Variants in WWP1 observed in about 807,000 individuals in gnomAD.
The protein encoded by WWP1 is NEDD4-like E3 ubiquitin-protein ligase WWP1.
A neutral mutation model predicts 130.6 loss-of-function variants in WWP1; 49 were observed. The ratio of observed to expected loss-of-function variants is 0.38; its 90% CI spans 0.30 to 0.48. The LOEUF (loss-of-function observed/expected upper bound fraction) is 0.48. Ranked by LOEUF, WWP1 falls within the 20% of genes least tolerant of loss-of-function variation. WWP1 has a pLI of 0.99. For missense variants in WWP1, 809 were observed against 1,100.6 expected (o/e 0.74, Z 3.75); for synonymous variants, 332 against 367.8 (o/e 0.90, Z 1.11).
chr8:86,430,005 C>T (rs544170748), intron 11 of WWP1, among the ~76,000 whole-genome samples: 2 of 152,114 alleles, frequency 1.3e-5, no homozygotes, highest in East Asian at 3.9e-4. Flanking sequence ...TCGAGACCAG[C>T]CTCAGAAACA....
chr8:86,409,166 G>A (rs980626311), intron 8 of WWP1, among the ~76,000 whole-genome samples: 1 of 148,340 alleles, frequency 6.7e-6, no homozygotes, highest in African/African-American at 2.5e-5. Flanking sequence ...GAATTGGCTT[G>A]GTAATTGTGA....
Position 86,348,465 on chromosome 8 carries a change from G to A in WWP1, c.-115+5535G>A, listed in dbSNP as rs529162975. Among the ~76,000 whole-genome samples, 306 of 152,198 alleles carry A rather than the reference G, an allele frequency of 2.0e-3. 3 individuals are homozygous for A. The South Asian group carries it at 0.02, about 10-fold the overall frequency. On this transcript the variant is annotated intron_variant, in intron 1 of 24. Transcript: ENST00000517970. ...ACTCCAGACCACAGGTGATCTGCCC[G>A]CCTCAGCCTCCCAAAGTATTGGGAT...
chr8:86,351,646 A>T (rs1294185726), intron 1 of WWP1, among the ~76,000 whole-genome samples: 2 of 152,108 alleles, frequency 1.3e-5, no homozygotes, highest in Non-Finnish European at 2.9e-5. Flanking sequence ...ACAAAAAAAA[A>T]GTTGCTAAAA....
chr8:86,422,978 G>A (rs866757240), intron 9 of WWP1, among the ~76,000 whole-genome samples: 2 of 151,260 alleles, frequency 1.3e-5, no homozygotes, highest in African/African-American at 2.4e-5. Flanking sequence ...TTTTAGATGG[G>A]TACTTTTGAA....
intron 5 of WWP1, among the ~76,000 whole-genome samples, chr8:86,389,750 C>G (rs985796400): frequency 1.9e-4 from 28 of 145,356 alleles, no homozygotes; most frequent in Admixed American, 1.6e-3. Context: ...GGCGCCCCCC[C>G]ACCCACCTCC....
chr8:86,434,136 A>G (rs1202101797), intron 14 of WWP1, among the ~76,000 whole-genome samples: 1 of 152,148 alleles, frequency 6.6e-6, no homozygotes, highest in Non-Finnish European at 1.5e-5. Flanking sequence ...CACCTTGTAC[A>G]ATGTTGTTAC....
chr8:86,358,253 T>C (rs1823369004), intron 1 of WWP1, among the ~76,000 whole-genome samples: 1 of 152,172 alleles, frequency 6.6e-6, no homozygotes, highest in Admixed American at 6.5e-5. Flanking sequence ...ACTTGAATCT[T>C]AGATTAGGGC....
rs1401015473 is a variant in WWP1, at chr8:86,457,845, A to G, written c.2395-76A>G. The G allele has an allele frequency of 3.6e-6, 5 of 1,389,158 alleles. No individual in the cohort carries two copies. In the African/African-American group the frequency reaches 5.7e-5, roughly 16 times the overall value. 86.1% of individuals were successfully genotyped at this position (1,389,158 alleles called of 1,614,324 possible). ...CATAATTTGCCATGTGCATAACTGC[A>G]TTAGGAAATTTCAGTCATATAATTA... On this transcript the variant is annotated intron_variant, in intron 21 of 24. Coordinates refer to ENST00000517970, the MANE Select transcript of WWP1 (RefSeq NM_007013.4).
rs1822241825 is a variant in WWP1, at chr8:86,342,569, C to T, written c.-476C>T. ...CGGATTCCGGGTCCGGAGTTGGAGG[C>T]TTTGGGCGGCCGCGGCGTAGCGCGC... is the stretch of plus-strand genomic sequence containing the variant. On this transcript the variant is annotated 5_prime_UTR_variant, in exon 1 of 25. Transcript: ENST00000517970. Among the ~76,000 whole-genome samples, 1 of 151,332 alleles carries T rather than the reference C, an allele frequency of 6.6e-6. No homozygotes were observed. Among genetic ancestry groups the T allele is most frequent in the Non-Finnish European group, 1.5e-5 (1 of 67,788 alleles).
At chr8:86,427,935 G>A (rs1809725351) in intron 11 of WWP1, 118 bp downstream of exon 11, 1 of 904,198 alleles carries the variant, frequency 1.1e-6, no homozygotes, top group Non-Finnish European at 1.6e-6. Flanking sequence ...TTCAGAAATG[G>A]TATAGACTGT....
At chr8:86,439,082 G>A (rs1469142953) in intron 17 of WWP1, among the ~76,000 whole-genome samples, 18 of 151,246 alleles carry the variant, frequency 1.2e-4, no homozygotes, top group Admixed American at 3.3e-4. Context: ...GGTGGCTTAC[G>A]CCTGTAATCC....
At chr8:86,454,128 C>T (rs1174970835) in intron 21 of WWP1, among the ~76,000 whole-genome samples, 1 of 152,036 alleles carries the variant, frequency 6.6e-6, no homozygotes, top group Non-Finnish European at 1.5e-5. Flanking sequence ...CACCACAATC[C>T]ATGGACACTC....
At chr8:86,384,263 A>T (rs1023232746) in intron 5 of WWP1, among the ~76,000 whole-genome samples, 1 of 152,214 alleles carries the variant, frequency 6.6e-6, no homozygotes, top group Non-Finnish European at 1.5e-5. Context: ...TGGGGGACAC[A>T]ATTCAGCCCC....
chr8:86,437,901 A>G (rs998674927), intron 16 of WWP1, among the ~76,000 whole-genome samples: 3 of 151,966 alleles, frequency 2.0e-5, no homozygotes, highest in African/African-American at 7.3e-5. Context: ...CCGGGTTCAC[A>G]CCATTCTCCT....
In WWP1 at chr8:86,452,543, C is replaced by A; in HGVS notation, c.2274-16C>A. ...CATATAAATTACCTATTTTTAAATA[C>A]CATCTTTATTTTCAGTTTAATGACA... On this transcript the variant is annotated splice_polypyrimidine_tract_variant and intron_variant, in intron 20 of 24. Transcript: ENST00000517970. 1 of 1,579,898 alleles carries A rather than the reference C, an allele frequency of 6.3e-7. No homozygotes were observed.
intron 5 of WWP1, among the ~76,000 whole-genome samples, chr8:86,388,495 T>C (rs1219669457): frequency 6.6e-6 from 1 of 152,198 alleles, no homozygotes; most frequent in African/African-American, 2.4e-5. Flanking sequence ...TTCATTATGA[T>C]TTGCTGCCAT....
intron 3 of WWP1, among the ~76,000 whole-genome samples, chr8:86,375,104 CA>C (rs1279180497): frequency 1.3e-5 from 2 of 151,876 alleles, no homozygotes; most frequent in East Asian, 3.9e-4. Context: ...TTACCAAAAA[CA>C]GAGGGAGAAG....
chr8:86,380,952 G>A (rs1824949076), intron 4 of WWP1, 88 bp downstream of exon 4: 1 of 1,361,578 alleles, frequency 7.3e-7, no homozygotes, highest in African/African-American at 1.5e-5. Flanking sequence ...TGACTTCAAA[G>A]TAATGAGTGA....
chr8:86,415,133 G>A (rs972552059), intron 9 of WWP1, among the ~76,000 whole-genome samples: 1 of 152,102 alleles, frequency 6.6e-6, no homozygotes, highest in East Asian at 1.9e-4. Context: ...TGCCAAGCAC[G>A]ATTTTGCCTA....
Sources: allele counts gnomAD v4.1 joint callset (sites outside exome capture counted in the v4.1 genomes callset), GRCh38; gene constraint gnomAD v4.1.1; transcripts MANE v1.5; gene names NCBI Gene and HGNC (gene_info 2026-07-23, HGNC 2026-07-21).